MALRD1: variants seen among roughly 807,000 people sequenced by gnomAD.
MALRD1 encodes the protein MAM and LDL-receptor class A domain-containing protein 1.
In MALRD1, 247 loss-of-function variants were observed where a neutral mutation model predicts 242.1. The observed-to-expected ratio is 1.02, with a 90% confidence interval of 0.92 to 1.13. MALRD1 has a LOEUF of 1.13. Ranked by LOEUF, MALRD1 falls within the 50% of genes most tolerant of loss-of-function variation. The pLI is 0.00. For missense variants in MALRD1, 2,989 were observed against 2,533.1 expected, an observed-to-expected ratio of 1.18 and a Z score of -3.86; for synonymous variants, 995 against 866.6, an observed-to-expected ratio of 1.15 and a Z score of -2.60.
intron 19 of MALRD1, among the ~76,000 whole-genome samples, chr10:19,259,051 T>G (rs1043555705): frequency 1.3e-5 from 2 of 152,160 alleles, no homozygotes; most frequent in East Asian, 3.9e-4. Context: ...TTTTAAATGA[T>G]CTATCTGCTC....
chr10:19,431,893 G>A (rs963176844), intron 28 of MALRD1, among the ~76,000 whole-genome samples: 5 of 152,124 alleles, frequency 3.3e-5, no homozygotes, highest in African/African-American at 1.2e-4. Flanking sequence ...CGTTGCTTTT[G>A]ACCTTGCTGC....
At chr10:19,381,430 G>C (rs946874885) in intron 26 of MALRD1, among the ~76,000 whole-genome samples, 3 of 152,006 alleles carry the variant, frequency 2.0e-5, no homozygotes, top group Non-Finnish European at 4.4e-5. Context: ...TCTTTCACAA[G>C]ATCTGCTGAA....
At chr10:19,477,374 T>C (rs1439863599) in intron 29 of MALRD1, among the ~76,000 whole-genome samples, 3 of 152,172 alleles carry the variant, frequency 2.0e-5, no homozygotes, top group Non-Finnish European at 2.9e-5. Flanking sequence ...CAAAGTTACT[T>C]GGGGGATTTT....
chr10:19,055,391 G>C (rs893929292), intron 1 of MALRD1, among the ~76,000 whole-genome samples: 3 of 152,122 alleles, frequency 2.0e-5, no homozygotes, highest in African/African-American at 7.2e-5. Context: ...CTGTGCAGAA[G>C]CTTTTTAGTT....
At chr10:19,239,942 G>A (rs1838683430) in intron 18 of MALRD1, among the ~76,000 whole-genome samples, 1 of 152,108 alleles carries the variant, frequency 6.6e-6, no homozygotes. Context: ...GGTGCCTCCA[G>A]CTTTGTTATT....
At chr10:19,316,335 A>G (rs528538919) in intron 21 of MALRD1, among the ~76,000 whole-genome samples, 11 of 152,004 alleles carry the variant, frequency 7.2e-5, no homozygotes, top group African/African-American at 1.4e-4. Flanking sequence ...AATAAAGTCA[A>G]AAACAAGACT....
At chr10:19,653,596 T>C (rs2131712554) in intron 36 of MALRD1, among the ~76,000 whole-genome samples, 1 of 132,672 alleles carries the variant, frequency 7.5e-6, no homozygotes, top group African/African-American at 3.9e-5. Flanking sequence ...TTTTCATTTG[T>C]TCATTTTTAA....
At chr10:19,510,456 C>T (rs1352438419) in intron 31 of MALRD1, among the ~76,000 whole-genome samples, 1 of 152,164 alleles carries the variant, frequency 6.6e-6, no homozygotes, top group Non-Finnish European at 1.5e-5. Context: ...AGGCAGAGTT[C>T]CCTGCAGCCT....
intron 32 of MALRD1, among the ~76,000 whole-genome samples, chr10:19,545,410 T>C (rs527919902): frequency 6.6e-6 from 1 of 152,284 alleles, no homozygotes; most frequent in East Asian, 1.9e-4. Flanking sequence ...GAGTTCTTGA[T>C]TGAAAAAAGC....
At chr10:19,249,388 G>C (rs1839206662) in intron 18 of MALRD1, among the ~76,000 whole-genome samples, 1 of 151,788 alleles carries the variant, frequency 6.6e-6, no homozygotes, top group Non-Finnish European at 1.5e-5. Context: ...TGAAATATTA[G>C]CGTAATCAGT....
At chr10:19,099,013 A>G (rs1031069021) in intron 4 of MALRD1, among the ~76,000 whole-genome samples, 4 of 152,126 alleles carry the variant, frequency 2.6e-5, no homozygotes, top group African/African-American at 7.2e-5. Flanking sequence ...CCTTTCCCAC[A>G]CTAATATTTT....
chr10:19,072,036 C>T lies in MALRD1; in HGVS notation c.340+5177C>T, dbSNP rs191379459. Among the ~76,000 whole-genome samples, 43 of 152,270 alleles carry T rather than the reference C, an allele frequency of 2.8e-4. 1 individual carries two copies. Among genetic ancestry groups the T allele is most frequent in the Admixed American group, 2.6e-3 (39 of 15,272 alleles). On this transcript the variant is annotated intron_variant, in intron 2 of 39. Coordinates refer to ENST00000454679, the MANE Select transcript of MALRD1 (RefSeq NM_001142308.3). Reference sequence around the variant, plus strand: ...GTGATAGAGACATCAACCGTATACACGTACTTATGATTACATATTAAAAGT... The same window carrying T: ...GTGATAGAGACATCAACCGTATACATGTACTTATGATTACATATTAAAAGT...
At chr10:19,296,031 C>T (rs1841679029) in intron 21 of MALRD1, among the ~76,000 whole-genome samples, 1 of 151,974 alleles carries the variant, frequency 6.6e-6, no homozygotes, top group Admixed American at 6.6e-5. Context: ...CATACTGATA[C>T]CCAGGCCCTG....
chr10:19,701,978 G>T (rs960120041), intron 38 of MALRD1, among the ~76,000 whole-genome samples: 1 of 151,766 alleles, frequency 6.6e-6, no homozygotes, highest in Non-Finnish European at 1.5e-5. Context: ...CTTCTCAAAA[G>T]AAAATTCTTA....
At chr10:19,605,476 T>C (rs12764395) in intron 34 of MALRD1, among the ~76,000 whole-genome samples, 2 of 136,238 alleles carry the variant, frequency 1.5e-5, no homozygotes, top group African/African-American at 5.6e-5. Flanking sequence ...ACCAGCTTTG[T>C]TTTTCTTTCT....
chr10:19,152,755 A>G (rs890251109), intron 11 of MALRD1, among the ~76,000 whole-genome samples: 1 of 152,106 alleles, frequency 6.6e-6, no homozygotes, highest in African/African-American at 2.4e-5. Context: ...TTACAATTAT[A>G]TTATTGGTAA....
chr10:19,660,864 A>G (rs778809707), intron 36 of MALRD1, among the ~76,000 whole-genome samples: 1 of 152,242 alleles, frequency 6.6e-6, no homozygotes, highest in Non-Finnish European at 1.5e-5. Context: ...TCAGCCTGTT[A>G]TTTTTGCATG....
rs150516187 is a variant in MALRD1, at chr10:19,349,435, T to C, written c.4149+1417T>C. 3.7e-3 allele frequency among the ~76,000 whole-genome samples: 563 copies of C among 152,330 alleles called. 7 individuals are homozygous for C. The South Asian group carries it at 0.041, about 11-fold the overall frequency. ...TCATGAGTTGACTTTATAGTTTAAC[T>C]CTCATAGAGCAATTTCATCTATCAC... On this transcript the variant is annotated intron_variant, in intron 25 of 39. Coordinates refer to ENST00000454679, the MANE Select transcript of MALRD1 (RefSeq NM_001142308.3).
chr10:19,576,964 G>GTTTTTTT (rs11331552), intron 33 of MALRD1, among the ~76,000 whole-genome samples: 12 of 123,402 alleles, frequency 9.7e-5, no homozygotes, highest in Non-Finnish European at 1.2e-4. Flanking sequence ...CCACATTGTC[G>GTTTTTTT]TTTTTTTTTT....
Sources: gnomAD v4.1 joint callset for allele counts (sites outside exome capture counted in the v4.1 genomes callset) on GRCh38, gnomAD v4.1.1 for gene constraint, MANE v1.5 for transcripts, NCBI Gene and HGNC (gene_info 2026-07-23, HGNC 2026-07-21) for gene names.